The following SYNPR variants were observed in gnomAD, a reference collection of about 807,000 sequenced individuals.
SYNPR encodes synaptoporin.
In SYNPR, 23 loss-of-function variants were observed where a neutral mutation model predicts 32.9. The ratio of observed to expected loss-of-function variants is 0.70; its 90% CI spans 0.50 to 0.99. The LOEUF (loss-of-function observed/expected upper bound fraction) is 0.99, where lower values mean the gene tolerates loss of function less well. Ranked by LOEUF, SYNPR falls within the 50% of genes least tolerant of loss-of-function variation. The probability of loss-of-function intolerance (pLI) is 0.00; values close to 1 mark genes in which losing one functional copy is unlikely to be tolerated. For missense variants in SYNPR, 318 were observed against 349.3 expected, an observed-to-expected ratio of 0.91 and a Z score of 0.71; for synonymous variants, 146 against 135.9, an observed-to-expected ratio of 1.07 and a Z score of -0.52.
intron 2 of SYNPR, among the ~76,000 whole-genome samples, chr3:63,470,978 C>T (rs1700784068): frequency 1.3e-5 from 2 of 152,092 alleles, no homozygotes; most frequent in African/African-American, 4.8e-5. Context: ...TGGTGCAGTC[C>T]CCAGACTAGT....
At chr3:63,523,080 T>C (rs1028119216) in intron 3 of SYNPR, among the ~76,000 whole-genome samples, 3 of 152,086 alleles carry the variant, frequency 2.0e-5, no homozygotes, top group African/African-American at 4.8e-5. Context: ...AGCATATATT[T>C]TGGAGGTTGG....
At chr3:63,311,795 G>A (rs564181677) in intron 2 of SYNPR, among the ~76,000 whole-genome samples, 38 of 152,068 alleles carry the variant, frequency 2.5e-4, no homozygotes, top group African/African-American at 9.1e-4. Context: ...TGTAAAAAGT[G>A]CTTTCAATAT....
At chr3:63,475,650 T>C (rs910397489) in intron 2 of SYNPR, among the ~76,000 whole-genome samples, 1 of 152,114 alleles carries the variant, frequency 6.6e-6, no homozygotes, top group African/African-American at 2.4e-5. Context: ...GCTTATAGTA[T>C]TACAGAGTCA....
At chr3:63,406,803 T>C (rs755754853) in intron 2 of SYNPR, among the ~76,000 whole-genome samples, 2 of 152,164 alleles carry the variant, frequency 1.3e-5, no homozygotes, top group Non-Finnish European at 2.9e-5. Flanking sequence ...ATGAGTTCTA[T>C]TAACTTCAGA....
intron 2 of SYNPR, among the ~76,000 whole-genome samples, chr3:63,380,525 T>A (rs2107067471): frequency 6.6e-6 from 1 of 152,360 alleles, no homozygotes; most frequent in Non-Finnish European, 1.5e-5. Flanking sequence ...GCCCACTTTT[T>A]GATGGTGTTG....
intron 2 of SYNPR, among the ~76,000 whole-genome samples, chr3:63,408,630 C>T (rs895868600): frequency 5.3e-5 from 8 of 152,116 alleles, no homozygotes; most frequent in African/African-American, 1.9e-4. Context: ...TTCTGATACC[C>T]AAGGACAAGA....
intron 2 of SYNPR, among the ~76,000 whole-genome samples, chr3:63,431,692 G>A (rs566453116): frequency 6.6e-6 from 1 of 151,726 alleles, no homozygotes; most frequent in Admixed American, 6.6e-5. Flanking sequence ...AAAAGAAAGT[G>A]TGAACTGTTA....
chr3:63,410,828 G>T (rs753961241), intron 2 of SYNPR, among the ~76,000 whole-genome samples: 1 of 152,132 alleles, frequency 6.6e-6, no homozygotes, highest in Non-Finnish European at 1.5e-5. Context: ...AGAAGCCCCT[G>T]ACTTTGAGGA....
chr3:63,314,015 A>T (rs1229543852), intron 2 of SYNPR, among the ~76,000 whole-genome samples: 1 of 35,546 alleles, frequency 2.8e-5, no homozygotes, highest in African/African-American at 9.5e-5. Context: ...CCATATATAT[A>T]TATCCATATA....
At position 63,475,114 on chromosome 3, in the gene SYNPR, G is replaced by C. The variant is rs191226266; in HGVS notation, c.85-5718G>C. On this transcript the variant is annotated intron_variant, in intron 2 of 5. Coordinates refer to ENST00000478300, the MANE Select transcript of SYNPR (RefSeq NM_001130003.2). ...ACTGCTATGGGTGATTTTGGTTTAT[G>C]GATGACTATTAAGCTAGAAAACACA... Among the ~76,000 whole-genome samples the C allele has an allele frequency of 1.0e-3, 153 of 152,244 alleles. 1 individual carries two copies. Among genetic ancestry groups the C allele is most frequent in the African/African-American group, 3.4e-3 (142 of 41,554 alleles).
intron 3 of SYNPR, among the ~76,000 whole-genome samples, chr3:63,552,714 T>C (rs1702524079): frequency 6.6e-6 from 1 of 152,156 alleles, no homozygotes; most frequent in South Asian, 2.1e-4. Flanking sequence ...TAAAAATATA[T>C]ATATCCTAGT....
Position 63,278,562 on chromosome 3 carries a change from A to G in SYNPR, c.18+11A>G. The G allele has an allele frequency of 6.4e-7, 1 of 1,551,060 alleles. No individual in the cohort carries two copies. The highest frequency in any genetic ancestry group is 1.4e-5 in the African/African-American group (1 of 73,174). On this transcript the variant is annotated intron_variant, in intron 1 of 5. Transcript: ENST00000478300. ...GACCCTGTGAGTCAGGTGAGACAGA[A>G]CTGGGCAGGGCGGCTGGCTGGGAGC...
chr3:63,444,383 G>A (rs2107165091), intron 2 of SYNPR: 1 of 152,304 alleles, frequency 6.6e-6, no homozygotes, highest in Admixed American at 6.5e-5. Context: ...ACAGGGATGA[G>A]AAGATGATTA....
intron 3 of SYNPR, among the ~76,000 whole-genome samples, chr3:63,532,858 A>C (rs1013224964): frequency 6.6e-6 from 1 of 152,224 alleles, no homozygotes; most frequent in Admixed American, 6.5e-5. Context: ...AGATAAAATT[A>C]AACTATCCTC....
At chr3:63,233,111 C>A (rs907373044) in intron 1 of SYNPR, among the ~76,000 whole-genome samples, 3 of 152,098 alleles carry the variant, frequency 2.0e-5, no homozygotes, top group Non-Finnish European at 4.4e-5. Flanking sequence ...AGACTTTGGG[C>A]CTTGGAACTA....
chr3:63,457,158 C>A (rs76238023), intron 2 of SYNPR, among the ~76,000 whole-genome samples: 1 of 152,016 alleles, frequency 6.6e-6, no homozygotes, highest in South Asian at 2.1e-4. Context: ...TCTGGTGCCA[C>A]GATGCATACT....
At chr3:63,318,542 C>A (rs184973857) in intron 2 of SYNPR, among the ~76,000 whole-genome samples, 9 of 152,066 alleles carry the variant, frequency 5.9e-5, no homozygotes, top group Admixed American at 2.0e-4. Context: ...TTGTTCAGTT[C>A]TATTGCTGAG....
intron 2 of SYNPR, among the ~76,000 whole-genome samples, chr3:63,255,770 C>G (rs979345621): frequency 6.6e-6 from 1 of 152,004 alleles, no homozygotes; most frequent in Admixed American, 6.6e-5. Context: ...GGGTGCAGTG[C>G]ACCGAGTGTG....
intron 2 of SYNPR, among the ~76,000 whole-genome samples, chr3:63,460,856 G>A (rs1421354408): frequency 6.6e-6 from 1 of 152,086 alleles, no homozygotes; most frequent in African/African-American, 2.4e-5. Context: ...GGCAAGGCTG[G>A]AGGCAGGTAC....
Sources: gnomAD v4.1 joint callset for allele counts (sites outside exome capture counted in the v4.1 genomes callset) on GRCh38, gnomAD v4.1.1 for gene constraint, MANE v1.5 for transcripts, NCBI Gene and HGNC (gene_info 2026-07-23, HGNC 2026-07-21) for gene names.